STYK1: variants seen among roughly 807,000 people sequenced by gnomAD.
The protein encoded by STYK1 is tyrosine-protein kinase STYK1.
Under a neutral mutation model 48.1 loss-of-function variants are expected in STYK1, and 46 were observed. The observed-to-expected ratio is 0.96, with a 90% CI of 0.75 to 1.22. The LOEUF (loss-of-function observed/expected upper bound fraction) is 1.22, where lower values mean the gene tolerates loss of function less well. STYK1 is among the 50% of genes most tolerant of loss of function. The pLI is 0.00. For synonymous variants in STYK1, 188 were observed against 189.0 expected (o/e 0.99, Z 0.04); for missense variants, 527 against 521.1 (o/e 1.01, Z -0.11).
chr12:10,670,628 C>A (rs1947881404), intron 1 of STYK1, among the ~76,000 whole-genome samples: 1 of 151,300 alleles, frequency 6.6e-6, no homozygotes, highest in Non-Finnish European at 1.5e-5. Context: ...CCTTATTCCT[C>A]CTTGTTAGGA....
Position 10,631,091 on chromosome 12 carries a change from A to T in STYK1, c.405T>A (p.Thr135=). ...CACTCTTGGGCTTAGAAGGGTCCCC[A>T]GTGTTCATATTGGCTCGAAAGATGG... ...CGPIFRANMN[T]GDPSKPKSVI... Residue 135 remains threonine (T), a synonymous_variant, in exon 5 of 11, where the codon ACT becomes ACA. Transcript: ENST00000075503. 1 of 1,614,202 alleles carries T rather than the reference A, an allele frequency of 6.2e-7. No homozygotes were observed. The highest frequency in any genetic ancestry group is 8.5e-7 in the Non-Finnish European group (1 of 1,180,042).
intron 10 of STYK1, 21 bp downstream of exon 10, chr12:10,621,855 A>C (rs368879676): frequency 6.2e-7 from 1 of 1,601,944 alleles, no homozygotes; most frequent in Non-Finnish European, 8.6e-7. Context: ...AAAGAGGAGC[A>C]GGCCTTTAAA....
intron 1 of STYK1, among the ~76,000 whole-genome samples, chr12:10,662,783 A>G (rs1947791384): frequency 6.6e-6 from 1 of 152,154 alleles, no homozygotes. Flanking sequence ...TATCATATGC[A>G]ATATTTTCTT....
At chr12:10,624,982 CTAA>C in intron 7 of STYK1, 123 bp from the exon 8 acceptor site, 2 of 766,830 alleles carry the variant, frequency 2.6e-6, no homozygotes, top group East Asian at 5.1e-5. Context: ...ACAAGTCTCA[CTAA>C]TAATGATATG....
intron 1 of STYK1, among the ~76,000 whole-genome samples, chr12:10,645,742 T>C (rs1475364002): frequency 2.0e-5 from 3 of 152,236 alleles, no homozygotes; most frequent in Non-Finnish European, 2.9e-5. Context: ...CATTTCCCAC[T>C]TGATATGGTT....
Position 10,624,752 on chromosome 12 carries a change from T to C in STYK1, c.825A>G (p.Glu275=), listed in dbSNP as rs944038368. 1 of 1,613,996 alleles carries C rather than the reference T, an allele frequency of 6.2e-7. No homozygotes were observed. Residue 275 remains glutamate (E), a synonymous_variant, in exon 8 of 11, where the codon GAA becomes GAG. Transcript: ENST00000075503. ...AKLCGLGLAY[E]VYTRGAISST... is the part of the protein sequence containing the mutation. ...AGGAGATGGCCCCTCGGGTGTAAAC[T>C]TCATAAGCCAGGCCTAATCCACAGA...
intron 1 of STYK1, among the ~76,000 whole-genome samples, chr12:10,660,015 G>A (rs1947759078): frequency 6.6e-6 from 1 of 152,126 alleles, no homozygotes; most frequent in Non-Finnish European, 1.5e-5. Context: ...CAAGATGGAT[G>A]GGTAATATAA....
intron 5 of STYK1, 84 bp from the exon 6 acceptor site, chr12:10,629,758 T>A: frequency 6.6e-7 from 1 of 1,520,748 alleles, no homozygotes; most frequent in South Asian, 1.1e-5. Context: ...CAACTTAAGA[T>A]GTTAATTCTC....
intron 4 of STYK1, among the ~76,000 whole-genome samples, chr12:10,633,049 T>G (rs1009840687): frequency 6.6e-6 from 1 of 152,192 alleles, no homozygotes; most frequent in Non-Finnish European, 1.5e-5. Context: ...GGACTATCAT[T>G]GGAATAGAAA....
Position 10,629,395 on chromosome 12 carries a change from G to C in STYK1, c.633+98C>G. ...CCTTATTCTGTCATGCTATTATAGTGTCTCTGCATTTTGTCATTTGTCACA... is the reference window on the plus strand; with the variant it reads ...CCTTATTCTGTCATGCTATTATAGTCTCTCTGCATTTTGTCATTTGTCACA... On this transcript the variant is annotated intron_variant, in intron 6 of 10. Coordinates refer to ENST00000075503, the MANE Select transcript of STYK1 (RefSeq NM_018423.3). 8.7e-6 allele frequency: 11 copies of C among 1,257,848 alleles called. 1 individual carries two copies. The South Asian group carries it at 1.4e-4, about 16-fold the overall frequency. 77.9% of individuals were successfully genotyped at this position (1,257,848 alleles called of 1,614,324 possible).
chr12:10,673,470 A>G (rs1448581994), intron 1 of STYK1: 2 of 152,186 alleles, frequency 1.3e-5, no homozygotes, highest in Non-Finnish European at 2.9e-5. Context: ...AAGCATGGTT[A>G]TTGATATCTC....
In STYK1 at chr12:10,672,875, CT is replaced by C. The variant is rs1267881252; in HGVS notation, c.-195+1090del. Among the ~76,000 whole-genome samples the C allele has an allele frequency of 6.6e-6, 1 of 152,220 alleles. No homozygotes were observed. The highest frequency in any genetic ancestry group is 2.4e-5 in the African/African-American group (1 of 41,456). On this transcript the variant is annotated intron_variant, in intron 1 of 10. Coordinates refer to ENST00000075503, the MANE Select transcript of STYK1 (RefSeq NM_018423.3). The surrounding 1 kb of genome is among the most constrained non-coding windows in gnomAD (Gnocchi z 4.0). ...TCTCATTGAAAGACCTAGCTGCCCC[CT>C]AGCTAGCTGTCAGTGGAGATTCCGG...
chr12:10,633,030 G>A (rs757019233), intron 4 of STYK1, among the ~76,000 whole-genome samples: 1 of 152,182 alleles, frequency 6.6e-6, no homozygotes, highest in Non-Finnish European at 1.5e-5. Context: ...TATGAGAATT[G>A]AGTTCAAGGG....
At chr12:10,673,569 G>A (rs185314709) in intron 1 of STYK1, 1 of 152,290 alleles carries the variant, frequency 6.6e-6, no homozygotes, top group Non-Finnish European at 1.5e-5. Context: ...CGATTCCATG[G>A]TCTGAAAGGC....
At chr12:10,632,364 A>G (rs1947438606) in intron 4 of STYK1, among the ~76,000 whole-genome samples, 1 of 152,202 alleles carries the variant, frequency 6.6e-6, no homozygotes, top group African/African-American at 2.4e-5. Flanking sequence ...AGAGTATTGT[A>G]GGCAAAGAAA....
chr12:10,633,611 G>A (rs946459197), intron 4 of STYK1, among the ~76,000 whole-genome samples: 1 of 152,084 alleles, frequency 6.6e-6, no homozygotes, highest in African/African-American at 2.4e-5. Context: ...CAAAGATTAG[G>A]AATGGAACGT....
intron 4 of STYK1, among the ~76,000 whole-genome samples, chr12:10,632,664 A>G (rs1335690959): frequency 6.6e-6 from 1 of 152,234 alleles, no homozygotes; most frequent in East Asian, 1.9e-4. Context: ...GTAGGGGCAG[A>G]AGCAGGGAAT....
Position 10,658,518 on chromosome 12 carries a change from C to T in STYK1, c.-195+15448G>A, listed in dbSNP as rs150983177. ...TCGTTTTGGCTAAATGAATGACTTA[C>T]GGTGACCTGAGATTCTATGTTTCTA... On this transcript the variant is annotated intron_variant, in intron 1 of 10. Transcript: ENST00000075503. Among the ~76,000 whole-genome samples the T allele has an allele frequency of 5.8e-3, 877 of 152,252 alleles. 12 individuals carry two copies. Among genetic ancestry groups the T allele is most frequent in the African/African-American group, 0.02 (829 of 41,562 alleles).
Position 10,619,343 on chromosome 12 carries a change from A to G in STYK1, c.*801T>C, listed in dbSNP as rs532257209. ...TGCTTGGTTTCTACATTTCCTATTT[A>G]TTGTGCACACACACACACACACACA... On this transcript the variant is annotated 3_prime_UTR_variant, in exon 11 of 11. Transcript: ENST00000075503. 3.2e-5 allele frequency: 3 copies of G among 94,680 alleles called. No individual in the cohort carries two copies. The South Asian group carries it at 1.4e-3, about 43-fold the overall frequency. The allele number at this position is 94,680 out of a possible 1,614,324, so 5.9% of individuals were successfully genotyped here.
Sources: allele counts gnomAD v4.1 joint callset (sites outside exome capture counted in the v4.1 genomes callset), GRCh38; gene constraint gnomAD v4.1.1; non-coding constraint Gnocchi (gnomAD v3.1); transcripts MANE v1.5; gene names NCBI Gene and HGNC (gene_info 2026-07-23, HGNC 2026-07-21).